The following DMD variants were observed in gnomAD, a reference collection of about 807,000 sequenced individuals.
DMD encodes the protein dystrophin.
DMD carries 63 observed loss-of-function variants against 330.1 expected under a neutral mutation model. The ratio of observed to expected loss-of-function variants is 0.19; its 90% CI spans 0.16 to 0.24. DMD has a LOEUF of 0.24. DMD is among the 10% of genes least tolerant of loss of function. The pLI is 1.00. For missense variants in DMD, 3,344 were observed against 2,684.1 expected (o/e 1.25, Z -5.43); for synonymous variants, 1,223 against 959.8 (o/e 1.27, Z -5.07).
chrX:32,176,838 A>C (rs1463721868), intron 44 of DMD, among the ~76,000 whole-genome samples: 1 of 111,338 alleles, frequency 9.0e-6, no homozygotes, highest in Non-Finnish European at 1.9e-5. Flanking sequence ...TGGATTTTTC[A>C]AAGGTATCTC....
At chrX:33,204,507 G>A (rs959816671) in intron 1 of DMD, among the ~76,000 whole-genome samples, 1 of 110,297 alleles carries the variant, frequency 9.1e-6, no homozygotes, top group African/African-American at 3.3e-5. Flanking sequence ...CCCCAATTTC[G>A]AAGACTGGTC....
At chrX:31,598,525 C>A (rs931742220) in intron 55 of DMD, among the ~76,000 whole-genome samples, 6 of 111,425 alleles carry the variant, frequency 5.4e-5, no homozygotes, top group Non-Finnish European at 9.4e-5. Flanking sequence ...GAACAGAGAT[C>A]AAAAACCCAC....
intron 11 of DMD, among the ~76,000 whole-genome samples, chrX:32,633,712 G>A (rs542077165): frequency 1.8e-5 from 2 of 111,863 alleles, no homozygotes; most frequent in South Asian, 7.5e-4. Context: ...TATGATGCTG[G>A]CATCTGCTCA....
rs367748290 is a variant in DMD at position 31,147,457 on chromosome X, G to C, written c.10615C>G (p.Leu3539Val). The change falls in exon 75 of 79, where the codon CTG becomes GTG. Residue 3539 changes from leucine (L) to valine (V), a missense_variant. Coordinates refer to ENST00000357033, the MANE Select transcript of DMD (RefSeq NM_004006.3). ...GGCATCATTTCAGGAGGGGACGGCA[G>C]TGGGGACAGGCCTTTATGTTCGTGC... is the stretch of plus-strand genomic sequence containing the variant. ...QQHEHKGLSP[L>V]PSPPEMMPTS... The C allele has an allele frequency of 8.3e-7, 1 of 1,201,853 alleles. No homozygotes were observed. The highest frequency in any genetic ancestry group is 1.8e-5 in the African/African-American group (1 of 56,114).
At chrX:32,006,175 C>A (rs143664920) in intron 44 of DMD, among the ~76,000 whole-genome samples, 8 of 111,580 alleles carry the variant, frequency 7.2e-5, no homozygotes, top group Non-Finnish European at 7.5e-5. Flanking sequence ...ATTCTTCCAA[C>A]AGCTATATAT....
chrX:32,228,984 A>G (rs2097157752), intron 43 of DMD, among the ~76,000 whole-genome samples: 1 of 111,760 alleles, frequency 8.9e-6, no homozygotes, highest in African/African-American at 3.2e-5. Flanking sequence ...TCATTTTGCA[A>G]ATGAGAAAAC....
At chrX:32,027,164 G>GCACACACACACACATACACA (rs1557075785) in intron 44 of DMD, among the ~76,000 whole-genome samples, 42 of 89,516 alleles carry the variant, frequency 4.7e-4, no homozygotes, top group African/African-American at 1.8e-3. Context: ...ACACGCACGT[G>GCACACACACACACATACACA]CACACACACA....
intron 44 of DMD, among the ~76,000 whole-genome samples, chrX:32,068,373 C>CTT (rs1569539146): frequency 0.01 from 606 of 60,351 alleles, 7 homozygotes; most frequent in African/African-American, 0.044. Context: ...CCTTGCTTGT[C>CTT]ATTTTTTTTT....
rs72468648 is a variant in DMD at position 32,411,978 on chromosome X, G to A, written c.4072-65C>T. ...CTCTTGATAGCTTTTCTGTAATCCT[G>A]CTGAACAATAAATGAAGATTCTAGA... On this transcript the variant is annotated intron_variant, in intron 29 of 78. Coordinates refer to ENST00000357033, the MANE Select transcript of DMD (RefSeq NM_004006.3). 1.9e-5 allele frequency: 22 copies of A among 1,189,161 alleles called. No individual in the cohort carries two copies. In the East Asian group the frequency reaches 6.3e-4, roughly 34 times the overall value.
chrX:33,070,235 A>C (rs2094724918), intron 1 of DMD, among the ~76,000 whole-genome samples: 1 of 111,787 alleles, frequency 8.9e-6, no homozygotes, highest in South Asian at 3.7e-4. Context: ...ACGTAGTCAC[A>C]TGTATATATG....
intron 43 of DMD, among the ~76,000 whole-genome samples, chrX:32,275,592 C>T (rs911090650): frequency 1.8e-5 from 2 of 111,884 alleles, no homozygotes; most frequent in Non-Finnish European, 1.9e-5. Flanking sequence ...TTTAGGTGAA[C>T]TGGTAAGTGT....
chrX:33,274,876 A>T (rs2053210894), intron 1 of DMD, among the ~76,000 whole-genome samples: 1 of 111,349 alleles, frequency 9.0e-6, no homozygotes, highest in Non-Finnish European at 1.9e-5. Context: ...GGATCCTAAG[A>T]CTATTGCCTT....
rs1021799988 is a variant in DMD at position 31,508,368 on chromosome X, G to A, written c.8218-915C>T. ...TTCTGTTGACAGAATGAATTTTGGA[G>A]CACAGGCCTCACCAGTCAATAATAA... On this transcript the variant is annotated intron_variant, in intron 55 of 78. Transcript: ENST00000357033. 5 of 732,986 alleles carry A rather than the reference G, an allele frequency of 6.8e-6. No homozygotes were observed. In the African/African-American group the frequency reaches 1.1e-4, roughly 16 times the overall value. The allele number at this position is 732,986 out of a possible 1,213,427, so 60.4% of individuals were successfully genotyped here.
At chrX:32,405,407 G>A (rs746942481) in intron 30 of DMD, among the ~76,000 whole-genome samples, 12 of 111,927 alleles carry the variant, frequency 1.1e-4, no homozygotes, top group East Asian at 8.4e-4. Flanking sequence ...CAAGGAACAC[G>A]CATAGGTTGT....
intron 49 of DMD, among the ~76,000 whole-genome samples, chrX:31,826,850 G>A (rs952292213): frequency 2.9e-4 from 32 of 111,924 alleles, no homozygotes; most frequent in African/African-American, 1.0e-3. Context: ...AAGGTTTTCC[G>A]CACAAGAGCT....
At chrX:31,304,889 C>T (rs2054911594) in intron 62 of DMD, among the ~76,000 whole-genome samples, 1 of 110,944 alleles carries the variant, frequency 9.0e-6, no homozygotes, top group Non-Finnish European at 1.9e-5. Context: ...TTTTGAACTG[C>T]ACAGCTAGAT....
At chrX:33,168,315 A>G (rs1433943317) in intron 1 of DMD, among the ~76,000 whole-genome samples, 2 of 110,882 alleles carry the variant, frequency 1.8e-5, no homozygotes, top group Non-Finnish European at 3.8e-5. Flanking sequence ...TTAACATCAG[A>G]AAGAACGTTG....
chrX:32,785,783 CATT>C (rs1236374522), intron 7 of DMD, among the ~76,000 whole-genome samples: 4 of 111,000 alleles, frequency 3.6e-5, no homozygotes, highest in Admixed American at 9.6e-5. Context: ...GAAAAAAATA[CATT>C]ATTTATTTTT....
At chrX:31,503,721 C>T (rs948531577) in intron 56 of DMD, among the ~76,000 whole-genome samples, 6 of 111,049 alleles carry the variant, frequency 5.4e-5, no homozygotes, top group Non-Finnish European at 1.1e-4. Context: ...TGAGAACCAG[C>T]AAGGGTACAT....
Sources: gnomAD v4.1 joint callset for allele counts (sites outside exome capture counted in the v4.1 genomes callset) on GRCh38, gnomAD v4.1.1 for gene constraint, MANE v1.5 for transcripts, NCBI Gene and HGNC (gene_info 2026-07-23, HGNC 2026-07-21) for gene names.